FBXW11: variants seen among roughly 807,000 people sequenced by gnomAD.
FBXW11 encodes the protein F-box and WD repeat domain containing 11, also known as F-box/WD repeat-containing protein 11.
In FBXW11, 19 loss-of-function variants were observed where a neutral mutation model predicts 77.6. The ratio of observed to expected loss-of-function variants is 0.24; its 90% confidence interval spans 0.17 to 0.36. The LOEUF is 0.36. Ranked by LOEUF, FBXW11 falls within the 10% of genes least tolerant of loss-of-function variation. FBXW11 has a pLI of 1.00. For synonymous variants in FBXW11, 235 were observed against 249.4 expected (o/e 0.94, Z 0.54); for missense variants, 334 against 704.2 (o/e 0.47, Z 5.95).
chr5:171,929,339 C>T (rs1337265505), intron 2 of FBXW11, among the ~76,000 whole-genome samples: 2 of 152,180 alleles, frequency 1.3e-5, no homozygotes, highest in East Asian at 3.9e-4. Context: ...CACTGCACTA[C>T]AGCCTGGGTG....
rs989145663 is a variant in FBXW11, at chr5:171,910,913, A to G, written c.211-116T>C. On this transcript the variant is annotated intron_variant, in intron 3 of 13. Coordinates refer to ENST00000517395, the MANE Select transcript of FBXW11 (RefSeq NM_001378974.1). ...AATCTTAAAATGCCACTTTTACCCT[A>G]AAGCCAAACTCATTCCTTTACTAAT... 3.1e-5 allele frequency: 21 copies of G among 674,806 alleles called. No individual in the cohort carries two copies. The African/African-American group carries it at 3.1e-4, about 10-fold the overall frequency. The allele number at this position is 674,806 out of a possible 1,614,324, so 41.8% of individuals were successfully genotyped here.
At chr5:171,875,676 C>T (rs1309629456) in intron 9 of FBXW11, among the ~76,000 whole-genome samples, 1 of 152,110 alleles carries the variant, frequency 6.6e-6, no homozygotes, top group Non-Finnish European at 1.5e-5. Flanking sequence ...ATATTGGAAT[C>T]AGGACTGCAT....
chr5:171,876,233 C>T lies in FBXW11; in HGVS notation c.1221+52G>A, dbSNP rs549613848. Reference sequence around the variant, plus strand: ...GGTATAAGCCACCTCTGCTTTGTCTCTGTTCTAAAAGGGACAGGAACAGGT... The same window carrying T: ...GGTATAAGCCACCTCTGCTTTGTCTTTGTTCTAAAAGGGACAGGAACAGGT... On this transcript the variant is annotated intron_variant, in intron 9 of 13. Transcript: ENST00000517395. The surrounding 1 kb of genome is among the most constrained non-coding windows in gnomAD (Gnocchi z 4.2). 12 of 1,602,734 alleles carry T rather than the reference C, an allele frequency of 7.5e-6. No individual in the cohort carries two copies. In the African/African-American group the frequency reaches 1.5e-4, roughly 20 times the overall value.
At chr5:171,940,990 G>T (rs1458711354) in intron 2 of FBXW11, among the ~76,000 whole-genome samples, 1 of 151,934 alleles carries the variant, frequency 6.6e-6, no homozygotes, top group Non-Finnish European at 1.5e-5. Context: ...TTAAAATAAC[G>T]TACTGAATAA....
intron 2 of FBXW11, among the ~76,000 whole-genome samples, chr5:171,914,681 T>A (rs558288325): frequency 6.6e-6 from 1 of 152,328 alleles, no homozygotes; most frequent in East Asian, 1.9e-4. Flanking sequence ...GGAGTAAGGC[T>A]GAGGCTCAAC....
intron 1 of FBXW11, among the ~76,000 whole-genome samples, chr5:171,976,654 C>T (rs534899745): frequency 5.3e-5 from 8 of 152,232 alleles, no homozygotes; most frequent in African/African-American, 1.9e-4. Context: ...AGCTCTCTCA[C>T]GCCCTTCCAT....
intron 4 of FBXW11, chr5:171,908,560 G>A (rs1055268210): frequency 2.0e-5 from 3 of 152,198 alleles, no homozygotes; most frequent in South Asian, 2.1e-4. Context: ...TCTAGAAAGA[G>A]AGGATTTACG....
intron 1 of FBXW11, among the ~76,000 whole-genome samples, chr5:171,961,748 G>A (rs1168222626): frequency 4.6e-5 from 7 of 152,120 alleles, no homozygotes; most frequent in Non-Finnish European, 8.8e-5. Context: ...TCAGGTTCAA[G>A]CAATTCTCCT....
chr5:171,955,286 G>A (rs1763550306), intron 2 of FBXW11, among the ~76,000 whole-genome samples: 1 of 152,180 alleles, frequency 6.6e-6, no homozygotes, highest in East Asian at 1.9e-4. Flanking sequence ...GGTCCACTCT[G>A]ACAATTTTAA....
intron 7 of FBXW11, among the ~76,000 whole-genome samples, chr5:171,884,905 A>G (rs184461578): frequency 3.8e-4 from 58 of 152,336 alleles, no homozygotes; most frequent in Non-Finnish European, 6.3e-4. Context: ...CAGAAGAGCT[A>G]CTGATTTGTG....
chr5:171,927,107 A>C (rs1000457365), intron 2 of FBXW11, among the ~76,000 whole-genome samples: 19 of 152,242 alleles, frequency 1.2e-4, no homozygotes, highest in African/African-American at 3.9e-4. Context: ...GGACATCCTC[A>C]AGACCTGGGA....
chr5:171,981,812 T>C lies in FBXW11; in HGVS notation c.46-24114A>G, dbSNP rs188194196. ...ACAGCCTAAACATCCATCAGTAGAATTGGTAAACAGTTATATACTCATATA... is the reference window on the plus strand; with the variant it reads ...ACAGCCTAAACATCCATCAGTAGAACTGGTAAACAGTTATATACTCATATA... On this transcript the variant is annotated intron_variant, in intron 1 of 13. Coordinates refer to ENST00000517395, the MANE Select transcript of FBXW11 (RefSeq NM_001378974.1). 7.9e-5 allele frequency among the ~76,000 whole-genome samples: 12 copies of C among 152,304 alleles called. No individual in the cohort carries two copies. In the East Asian group the frequency reaches 1.7e-3, roughly 22 times the overall value.
chr5:171,898,875 C>T (rs1481097636), intron 6 of FBXW11, 129 bp downstream of exon 6: 1 of 513,148 alleles, frequency 1.9e-6, no homozygotes. Context: ...CACATTTACT[C>T]CAAAAGCTCA....
At chr5:171,976,294 C>T (rs1764825281) in intron 1 of FBXW11, among the ~76,000 whole-genome samples, 1 of 152,054 alleles carries the variant, frequency 6.6e-6, no homozygotes, top group Non-Finnish European at 1.5e-5. Flanking sequence ...AAGTCAATTA[C>T]GAGATGGTAC....
intron 2 of FBXW11, among the ~76,000 whole-genome samples, chr5:171,934,759 G>T (rs2113110349): frequency 6.6e-6 from 1 of 151,724 alleles, no homozygotes; most frequent in South Asian, 2.1e-4. Context: ...AAAATGAGAT[G>T]AAGAAATAAG....
At chr5:171,923,915 T>C (rs1340876453) in intron 2 of FBXW11, among the ~76,000 whole-genome samples, 90 of 21,280 alleles carry the variant, frequency 4.2e-3, no homozygotes, top group Non-Finnish European at 0.01. Flanking sequence ...CCACCTTTTT[T>C]TTTTTTTTTT....
intron 7 of FBXW11, 64 bp from the exon 8 acceptor site, chr5:171,878,193 T>C: frequency 8.9e-7 from 1 of 1,126,892 alleles, no homozygotes; most frequent in Non-Finnish European, 1.3e-6. Flanking sequence ...AATGTTACTG[T>C]CCCACCTTAT....
At chr5:172,004,176 T>C (rs1766586237) in intron 1 of FBXW11, among the ~76,000 whole-genome samples, 1 of 152,250 alleles carries the variant, frequency 6.6e-6, no homozygotes, top group Admixed American at 6.5e-5. Flanking sequence ...CTACATTTGA[T>C]CCTGGATTTA....
At chr5:171,872,021 A>G (rs1157749245) in intron 10 of FBXW11, among the ~76,000 whole-genome samples, 1 of 152,242 alleles carries the variant, frequency 6.6e-6, no homozygotes, top group Non-Finnish European at 1.5e-5. Flanking sequence ...TCTAAACTAA[A>G]TTTATGGTAT....
Sources: allele counts gnomAD v4.1 joint callset (sites outside exome capture counted in the v4.1 genomes callset), GRCh38; gene constraint gnomAD v4.1.1; non-coding constraint Gnocchi (gnomAD v3.1); transcripts MANE v1.5; gene names NCBI Gene and HGNC (gene_info 2026-07-23, HGNC 2026-07-21).